Variants in LGALS9B observed in about 807,000 individuals in gnomAD.
The protein encoded by LGALS9B is galectin 9B.
In LGALS9B, 8 loss-of-function variants were observed where a neutral mutation model predicts 35.9. The ratio of observed to expected loss-of-function variants is 0.22; its 90% CI spans 0.13 to 0.40. The LOEUF is 0.40. LGALS9B is among the 10% of genes least tolerant of loss of function. LGALS9B has a pLI of 1.00. For synonymous variants in LGALS9B, 42 were observed against 148.6 expected, an observed-to-expected ratio of 0.28 and a Z score of 5.22; for missense variants, 101 against 397.9, an observed-to-expected ratio of 0.25 and a Z score of 6.35.
chr17:20,466,228 T>C (rs2042761915), intron 1 of LGALS9B, among the ~76,000 whole-genome samples: 1 of 150,966 alleles, frequency 6.6e-6, no homozygotes, highest in African/African-American at 2.4e-5. Flanking sequence ...GGGGCTTCCA[T>C]AGGGTGGCTG....
intron 2 of LGALS9B, among the ~76,000 whole-genome samples, 196 bp downstream of exon 2, chr17:20,460,156 G>A (rs2142421444): frequency 7.8e-6 from 1 of 127,920 alleles, no homozygotes; most frequent in East Asian, 2.3e-4. Context: ...CTGGAGTCCA[G>A]GTTAATGGCA....
rs201751863 is a variant in LGALS9B at position 20,460,320 on chromosome 17, G to A, written c.131+32C>T. ...AGTGGCTTTACTAAGGGACGAGGCTGGAGTGAAACGTTTCCATCCATATAC... is the reference window on the plus strand; with the variant it reads ...AGTGGCTTTACTAAGGGACGAGGCTAGAGTGAAACGTTTCCATCCATATAC... On this transcript the variant is annotated intron_variant, in intron 2 of 10. Coordinates refer to ENST00000423676, the MANE Select transcript of LGALS9B (RefSeq NM_001367292.2). 285 of 1,609,798 alleles carry A rather than the reference G, an allele frequency of 1.8e-4. 6 individuals carry two copies. The highest frequency in any genetic ancestry group is 3.8e-5 in the Non-Finnish European group (45 of 1,177,526).
chr17:20,452,440 C>G, intron 7 of LGALS9B, 45 bp from the exon 8 acceptor site: 1 of 210,280 alleles, frequency 4.8e-6, no homozygotes, highest in South Asian at 2.7e-5. Flanking sequence ...CATGTGTGCG[C>G]GAGCACTCAC....
At chr17:20,451,334 TGAC>T (rs2042646862) in intron 10 of LGALS9B, 144 bp downstream of exon 10, 1 of 404,752 alleles carries the variant, frequency 2.5e-6, no homozygotes, top group African/African-American at 2.9e-5. Flanking sequence ...TTAATAATAA[TGAC>T]AATAATTTTT....
At chr17:20,455,859 T>C (rs1451552408) in intron 4 of LGALS9B, among the ~76,000 whole-genome samples, 1 of 148,042 alleles carries the variant, frequency 6.8e-6, no homozygotes, top group Non-Finnish European at 1.5e-5. Flanking sequence ...TTATTTATTT[T>C]ATTTTATTAT....
chr17:20,464,590 T>C (rs1430530555), intron 1 of LGALS9B, among the ~76,000 whole-genome samples: 2 of 151,748 alleles, frequency 1.3e-5, no homozygotes, highest in African/African-American at 4.8e-5. Flanking sequence ...GTTTTAAGAT[T>C]GGCCAGCCAA....
intron 1 of LGALS9B, among the ~76,000 whole-genome samples, chr17:20,464,287 GAC>G (rs1216769508): frequency 2.4e-4 from 36 of 147,904 alleles, no homozygotes; most frequent in African/African-American, 9.0e-4. Context: ...TCTTTGTAGA[GAC>G]ACAGTCTCAG....
rs2042649837 is a variant in LGALS9B, at chr17:20,451,635, A to C, written c.770T>G (p.Ile257Ser). 1 of 1,599,692 alleles carries C rather than the reference A, an allele frequency of 6.3e-7. No homozygotes were observed. The highest frequency in any genetic ancestry group is 8.5e-7 in the Non-Finnish European group (1 of 1,173,152). Reference sequence around the variant, plus strand: ...GATGTGGCTCCCAGAGCACAGGTTGATGTGGAACCTGCGGTGGGCAGCCTA... The same window carrying C: ...GATGTGGCTCCCAGAGCACAGGTTGCTGTGGAACCTGCGGTGGGCAGCCTA... ...TVLPSAQRFH[I>S]NLCSGSHIAF... Residue 257 changes from isoleucine to serine, a missense_variant, in exon 10 of 11, where the codon ATC becomes AGC. Coordinates refer to ENST00000423676, the MANE Select transcript of LGALS9B (RefSeq NM_001367292.2).
rs1444819595 is a variant in LGALS9B at position 20,464,100 on chromosome 17, T to G, written c.39+3332A>C. On this transcript the variant is annotated intron_variant, in intron 1 of 10. Coordinates refer to ENST00000423676, the MANE Select transcript of LGALS9B (RefSeq NM_001367292.2). ...TGTTTGTTTGTTTGTTGTGTTTTTT[T>G]TTTTTTTTTTTTTTTGAGACAGGAT... 7.4e-3 allele frequency among the ~76,000 whole-genome samples: 880 copies of G among 118,796 alleles called. 31 individuals carry two copies. The highest frequency in any genetic ancestry group is 0.015 in the African/African-American group (451 of 29,502). 77.9% of individuals were successfully genotyped at this position (118,796 alleles called of 152,430 possible).
intron 1 of LGALS9B, among the ~76,000 whole-genome samples, chr17:20,464,095 T>TTTTG (rs1555546589): frequency 5.3e-4 from 45 of 85,206 alleles, no homozygotes; most frequent in African/African-American, 3.1e-3. Context: ...TTTGTTGTGT[T>TTTTG]TTTTTTTTTT....
In LGALS9B at chr17:20,458,949, G is replaced by GACAT. The variant is rs2042708925; in HGVS notation, c.132-566_132-565insATGT. ...CTCATCTCTACTTAAAAAACAAAAA[G>GACAT]ATATATATATATATTTAATTAGCTA... is the stretch of plus-strand genomic sequence containing the variant. On this transcript the variant is annotated intron_variant, in intron 2 of 10. Transcript: ENST00000423676. 7.5e-5 allele frequency among the ~76,000 whole-genome samples: 11 copies of GACAT among 146,558 alleles called. No individual in the cohort carries two copies. In the South Asian group the frequency reaches 2.4e-3, roughly 32 times the overall value.
chr17:20,456,035 C>G (rs1212504960), intron 4 of LGALS9B, among the ~76,000 whole-genome samples: 1 of 148,016 alleles, frequency 6.8e-6, no homozygotes, highest in East Asian at 2.0e-4. Flanking sequence ...GCAACGCATT[C>G]AAAGTTTTTA....
At chr17:20,453,243 G>A in intron 6 of LGALS9B, 176 bp from the exon 7 acceptor site, 1 of 793,078 alleles carries the variant, frequency 1.3e-6, no homozygotes, top group South Asian at 1.6e-5. Context: ...TAGAACCCTG[G>A]AGAAGACAGA....
At position 20,465,979 on chromosome 17, in the gene LGALS9B, C is replaced by G. The variant is rs560563339; in HGVS notation, c.39+1453G>C. Among the ~76,000 whole-genome samples, 6 of 148,646 alleles carry G rather than the reference C, an allele frequency of 4.0e-5. No individual in the cohort carries two copies. In the East Asian group the frequency reaches 1.3e-3, roughly 31 times the overall value. ...AGCTCCAAGGCCCCGCTTTAACTCT[C>G]TCAAACTCTCTGATGTGCATAGGAG... On this transcript the variant is annotated intron_variant, in intron 1 of 10. Transcript: ENST00000423676.
chr17:20,455,729 T>A (rs1469224689), intron 4 of LGALS9B, among the ~76,000 whole-genome samples: 2 of 151,302 alleles, frequency 1.3e-5, no homozygotes, highest in African/African-American at 4.8e-5. Context: ...CTCCCTCGAA[T>A]GCCAAAAGGG....
intron 1 of LGALS9B, among the ~76,000 whole-genome samples, chr17:20,466,004 G>A (rs1220495942): frequency 1.3e-5 from 2 of 150,130 alleles, no homozygotes; most frequent in Middle Eastern, 3.4e-3. Context: ...GTGCATAGGA[G>A]GATTTTCCTT....
In LGALS9B at chr17:20,451,703, C is replaced by T. The variant is rs550728150; in HGVS notation, c.762-60G>A. On this transcript the variant is annotated intron_variant, in intron 9 of 10. Transcript: ENST00000423676. ...TGAGTTCTGAGCCCCATTTCCTCCC[C>T]ATCATCGCCAGCCTGCCAAAAGCCA... 8 of 1,388,268 alleles carry T rather than the reference C, an allele frequency of 5.8e-6. No individual in the cohort carries two copies. The Admixed American group carries it at 9.6e-5, about 17-fold the overall frequency. 86.0% of individuals were successfully genotyped at this position (1,388,268 alleles called of 1,614,324 possible).
At chr17:20,464,085 TTTG>T (rs2042743751) in intron 1 of LGALS9B, among the ~76,000 whole-genome samples, 1 of 124,668 alleles carries the variant, frequency 8.0e-6, no homozygotes, top group African/African-American at 3.2e-5. Flanking sequence ...TGTTTGTTTG[TTTG>T]TTGTGTTTTT....
At chr17:20,464,124 A>T (rs1449426019) in intron 1 of LGALS9B, among the ~76,000 whole-genome samples, 3 of 115,780 alleles carry the variant, frequency 2.6e-5, no homozygotes, top group South Asian at 3.1e-4. Flanking sequence ...TTGAGACAGG[A>T]TCTCATTCTG....
Sources: gnomAD v4.1 joint callset for allele counts (sites outside exome capture counted in the v4.1 genomes callset) on GRCh38, gnomAD v4.1.1 for gene constraint, MANE v1.5 for transcripts, NCBI Gene and HGNC (gene_info 2026-07-23, HGNC 2026-07-21) for gene names.